The following LIMS1 variants were observed in gnomAD, a reference collection of about 807,000 sequenced individuals.
LIMS1 encodes the protein LIM zinc finger domain containing 1.
Under a neutral mutation model 44.1 loss-of-function variants are expected in LIMS1, and 18 were observed. That is an observed-to-expected ratio of 0.41 (90% confidence interval 0.28 to 0.61). The LOEUF (loss-of-function observed/expected upper bound fraction) is 0.61, where lower values mean the gene tolerates loss of function less well. Among genes scored for constraint, LIMS1 ranks in the 20% least tolerant of loss-of-function variants. The pLI is 0.32. For synonymous variants in LIMS1, 93 were observed against 149.1 expected, an observed-to-expected ratio of 0.62 and a Z score of 2.74; for missense variants, 201 against 422.0, an observed-to-expected ratio of 0.48 and a Z score of 4.59.
chr2:108,580,454 C>T (rs540037425), intron 1 of LIMS1, among the ~76,000 whole-genome samples: 3 of 151,854 alleles, frequency 2.0e-5, no homozygotes, highest in South Asian at 2.1e-4. Context: ...AGAGAGTGGA[C>T]GACATGGGTA....
intron 1 of LIMS1, among the ~76,000 whole-genome samples, chr2:108,564,711 A>G (rs1685236522): frequency 6.6e-6 from 1 of 152,212 alleles, no homozygotes; most frequent in Non-Finnish European, 1.5e-5. Context: ...TTAGTATACA[A>G]TTAAGTTCCA....
At chr2:108,563,012 G>C (rs1685176595) in intron 1 of LIMS1, among the ~76,000 whole-genome samples, 1 of 152,192 alleles carries the variant, frequency 6.6e-6, no homozygotes, top group Non-Finnish European at 1.5e-5. Context: ...CTCTGCCTCT[G>C]CTCTATAAAT....
chr2:108,602,898 T>C (rs909470525), intron 1 of LIMS1, among the ~76,000 whole-genome samples: 2 of 152,156 alleles, frequency 1.3e-5, no homozygotes, highest in Non-Finnish European at 2.9e-5. Flanking sequence ...CCTGAGCAGC[T>C]GGGAGTATAG....
chr2:108,614,263 C>G (rs923758496), intron 1 of LIMS1, among the ~76,000 whole-genome samples: 3 of 152,228 alleles, frequency 2.0e-5, no homozygotes, highest in East Asian at 3.9e-4. Flanking sequence ...GGCGCCTCCT[C>G]CACGCGAACT....
chr2:108,649,586 T>A (rs1690317023), intron 1 of LIMS1, among the ~76,000 whole-genome samples: 1 of 152,162 alleles, frequency 6.6e-6, no homozygotes, highest in African/African-American at 2.4e-5. Flanking sequence ...TGCCTATCAA[T>A]CATAGACTGG....
chr2:108,608,495 G>A (rs942554785), intron 1 of LIMS1, among the ~76,000 whole-genome samples: 2 of 151,954 alleles, frequency 1.3e-5, no homozygotes, highest in Non-Finnish European at 2.9e-5. Flanking sequence ...TAATAGAGAC[G>A]AGGTTTCACC....
At chr2:108,620,850 C>G (rs994431455) in intron 1 of LIMS1, among the ~76,000 whole-genome samples, 1 of 152,092 alleles carries the variant, frequency 6.6e-6, no homozygotes, top group Non-Finnish European at 1.5e-5. Context: ...TTCTGCCCCT[C>G]CTCTCCTTTT....
intron 1 of LIMS1, among the ~76,000 whole-genome samples, chr2:108,615,115 A>G (rs1687860800): frequency 6.6e-6 from 1 of 152,176 alleles, no homozygotes; most frequent in Admixed American, 6.5e-5. Flanking sequence ...GTCAGGCAGA[A>G]CGGATAGAAA....
chr2:108,576,419 G>A (rs1339508127), intron 1 of LIMS1, among the ~76,000 whole-genome samples: 3 of 151,928 alleles, frequency 2.0e-5, no homozygotes, highest in Non-Finnish European at 4.4e-5. Flanking sequence ...TTTTCTTTTT[G>A]AGATGGAGTC....
intron 1 of LIMS1, among the ~76,000 whole-genome samples, chr2:108,558,652 A>G (rs2104606228): frequency 6.7e-6 from 1 of 150,204 alleles, no homozygotes; most frequent in East Asian, 2.0e-4. Flanking sequence ...ACTTTTAAGA[A>G]TATATTTATT....
At chr2:108,565,390 C>G (rs966848452) in intron 1 of LIMS1, among the ~76,000 whole-genome samples, 4 of 152,132 alleles carry the variant, frequency 2.6e-5, no homozygotes, top group Non-Finnish European at 5.9e-5. Context: ...TGTTAAGTAA[C>G]TCTTTTCTAT....
intron 1 of LIMS1, among the ~76,000 whole-genome samples, chr2:108,656,318 T>TATCG (rs1183151702): frequency 1.4e-4 from 12 of 84,312 alleles, no homozygotes; most frequent in Non-Finnish European, 2.5e-4. Flanking sequence ...TCTATCTATC[T>TATCG]ATAGATAGAT....
At chr2:108,547,845 G>A (rs191996685) in intron 1 of LIMS1, among the ~76,000 whole-genome samples, 1 of 152,210 alleles carries the variant, frequency 6.6e-6, no homozygotes, top group East Asian at 1.9e-4. Flanking sequence ...AATACAATAC[G>A]GACTTTGTCA....
chr2:108,554,437 T>C (rs2104597608), intron 1 of LIMS1, among the ~76,000 whole-genome samples: 1 of 152,328 alleles, frequency 6.6e-6, no homozygotes, highest in East Asian at 1.9e-4. Context: ...GTAGTGCTAC[T>C]GAAGGACAGT....
chr2:108,547,892 A>T (rs959036439), intron 1 of LIMS1, among the ~76,000 whole-genome samples: 9 of 152,218 alleles, frequency 5.9e-5, no homozygotes, highest in Non-Finnish European at 1.3e-4. Context: ...TAGTAGTCTT[A>T]ATTAGAATCT....
Position 108,610,148 on chromosome 2 carries a change from ATGTGTGTGTGTGTGTGTGTGTG to A in LIMS1, c.33-49431_33-49410del, listed in dbSNP as rs60571292. Among the ~76,000 whole-genome samples, 16 of 143,390 alleles carry A rather than the reference ATGTGTGTGTGTGTGTGTGTGTG, an allele frequency of 1.1e-4. 1 individual carries two copies. The highest frequency in any genetic ancestry group is 7.0e-4 in the South Asian group (3 of 4,310). 94.1% of individuals were successfully genotyped at this position (143,390 alleles called of 152,430 possible). On this transcript the variant is annotated intron_variant, in intron 1 of 9. Transcript: ENST00000544547. ...ACAAAGTGAGACTCTGTTACAAAAA[ATGTGTGTGTGTGTGTGTGTGTG>A]TGTGTGTGTGTGTGTGTGTGTGTGT...
chr2:108,678,977 C>G lies in LIMS1; in HGVS notation c.823+950C>G, dbSNP rs568167761. ...ACATGGCACACATCATTTATAACTT[C>G]ACAGGATACTTAAGGATGGGGGAAG... On this transcript the variant is annotated intron_variant, in intron 8 of 9. Transcript: ENST00000544547. Among the ~76,000 whole-genome samples, 176 of 152,256 alleles carry G rather than the reference C, an allele frequency of 1.2e-3. 1 individual carries two copies. Among genetic ancestry groups the G allele is most frequent in the African/African-American group, 4.0e-3 (166 of 41,548 alleles).
At chr2:108,627,731 C>T (rs765953591) in intron 1 of LIMS1, among the ~76,000 whole-genome samples, 16 of 152,114 alleles carry the variant, frequency 1.1e-4, no homozygotes, top group Non-Finnish European at 1.6e-4. Flanking sequence ...ATCTTAGAGA[C>T]ACAGCAACTG....
chr2:108,578,386 T>G (rs1172539484), intron 1 of LIMS1, among the ~76,000 whole-genome samples: 1 of 152,184 alleles, frequency 6.6e-6, no homozygotes, highest in Non-Finnish European at 1.5e-5. Flanking sequence ...TATACTCTCT[T>G]TAAATGCAAG....
Sources: gnomAD v4.1 joint callset for allele counts (sites outside exome capture counted in the v4.1 genomes callset) on GRCh38, gnomAD v4.1.1 for gene constraint, MANE v1.5 for transcripts, NCBI Gene and HGNC (gene_info 2026-07-23, HGNC 2026-07-21) for gene names.